The following ST3GAL2 variants were observed in gnomAD, a reference collection of about 807,000 sequenced individuals.
The protein encoded by ST3GAL2 is ST3 beta-galactoside alpha-2,3-sialyltransferase 2, also known as CMP-N-acetylneuraminate-beta-galactosamide-alpha-2,3-sialyltransferase 2.
In ST3GAL2, 16 loss-of-function variants were observed where a neutral mutation model predicts 37.5. The observed-to-expected ratio is 0.43, with a 90% CI of 0.29 to 0.65. The LOEUF is 0.65. Among genes scored for constraint, ST3GAL2 ranks in the 30% least tolerant of loss-of-function variants. The pLI, the probability that ST3GAL2 is intolerant of heterozygous loss-of-function variation, is 0.17. For missense variants in ST3GAL2, 383 were observed against 487.8 expected (o/e 0.79, Z 2.02); for synonymous variants, 238 against 202.9 (o/e 1.17, Z -1.47).
In ST3GAL2 at chr16:70,388,408, A is replaced by G; in HGVS notation, c.672T>C (p.Leu224=). 1.2e-6 allele frequency: 2 copies of G among 1,614,158 alleles called. No homozygotes were observed. The highest frequency in any genetic ancestry group is 1.7e-6 in the Non-Finnish European group (2 of 1,180,026). ...TGGACAAGGCGCTGGCGATCCACAGAAGGTCCAGGACCTTGAAGGGCACCA... is the reference window on the plus strand; with the variant it reads ...TGGACAAGGCGCTGGCGATCCACAGGAGGTCCAGGACCTTGAAGGGCACCA... ...FVLVPFKVLD[L]LWIASALSTG... is the part of the protein sequence containing the mutation. The change falls in exon 4 of 7, where the codon CTT becomes CTC. Residue 224 remains leucine (L), a synonymous_variant. Transcript: ENST00000342907.
chr16:70,419,400 G>A (rs565533712), intron 1 of ST3GAL2, among the ~76,000 whole-genome samples: 1 of 152,316 alleles, frequency 6.6e-6, no homozygotes, highest in South Asian at 2.1e-4. Context: ...CACGAGCACT[G>A]CAAATCCATA....
intron 1 of ST3GAL2, among the ~76,000 whole-genome samples, chr16:70,427,086 C>A (rs1410975545): frequency 1.3e-5 from 2 of 152,062 alleles, no homozygotes; most frequent in Non-Finnish European, 2.9e-5. Context: ...TGGGCTTAGG[C>A]AATCCTCTTA....
intron 1 of ST3GAL2, among the ~76,000 whole-genome samples, chr16:70,431,337 G>T (rs1311151210): frequency 6.6e-6 from 1 of 152,196 alleles, no homozygotes; most frequent in African/African-American, 2.4e-5. Flanking sequence ...TGAGGCTGGG[G>T]GGCTGCTGCC....
chr16:70,386,264 T>C (rs2047442752), intron 4 of ST3GAL2, among the ~76,000 whole-genome samples: 1 of 151,876 alleles, frequency 6.6e-6, no homozygotes, highest in African/African-American at 2.4e-5. Flanking sequence ...CTCGGCTCAC[T>C]GCAAGCTCCG....
At chr16:70,407,440 C>T (rs1017771174) in intron 1 of ST3GAL2, among the ~76,000 whole-genome samples, 3 of 152,222 alleles carry the variant, frequency 2.0e-5, no homozygotes, top group Admixed American at 6.5e-5. Flanking sequence ...TGTGCCAATA[C>T]TACAGTCTTC....
chr16:70,402,192 G>A (rs1241849305), intron 1 of ST3GAL2, among the ~76,000 whole-genome samples: 2 of 148,400 alleles, frequency 1.3e-5, no homozygotes, highest in Non-Finnish European at 3.0e-5. Context: ...CCACCTACTT[G>A]GGAGGCTGAG....
chr16:70,409,801 CTAAA>C (rs1205683287), intron 1 of ST3GAL2, among the ~76,000 whole-genome samples: 13 of 146,294 alleles, frequency 8.9e-5, no homozygotes, highest in Non-Finnish European at 1.3e-4. Context: ...CCAGACCTGG[CTAAA>C]TTTTTTTTTT....
At chr16:70,406,633 T>A (rs2047593880) in intron 1 of ST3GAL2, among the ~76,000 whole-genome samples, 1 of 150,808 alleles carries the variant, frequency 6.6e-6, no homozygotes, top group Non-Finnish European at 1.5e-5. Flanking sequence ...AATACAAAAA[T>A]TAGCTGGGTG....
intron 1 of ST3GAL2, among the ~76,000 whole-genome samples, chr16:70,435,348 C>G (rs997762351): frequency 6.6e-6 from 1 of 152,238 alleles, no homozygotes; most frequent in African/African-American, 2.4e-5. Context: ...GTAATCCCAG[C>G]ACTTTCGGAG....
At chr16:70,395,667 G>A (rs1411260479) in intron 2 of ST3GAL2, among the ~76,000 whole-genome samples, 1 of 152,202 alleles carries the variant, frequency 6.6e-6, no homozygotes, top group Non-Finnish European at 1.5e-5. Context: ...AATTCTTTCA[G>A]AGCCAGAATG....
At chr16:70,389,899 G>A (rs568580106) in intron 3 of ST3GAL2, among the ~76,000 whole-genome samples, 121 of 152,178 alleles carry the variant, frequency 8.0e-4, no homozygotes, top group African/African-American at 2.9e-3. Context: ...CCATTCTCCT[G>A]CCTCAGCCTC....
chr16:70,385,874 T>G (rs1219297002), intron 4 of ST3GAL2, among the ~76,000 whole-genome samples: 1 of 151,556 alleles, frequency 6.6e-6, no homozygotes, highest in Non-Finnish European at 1.5e-5. Context: ...GTCTGGCTAA[T>G]TTTTGTATTT....
chr16:70,398,516 C>G lies in ST3GAL2; in HGVS notation c.15G>C (p.Leu5=). MKCS[L]RVWFLSVAFL... The stretch of plus-strand genomic sequence containing the variant: ...AGGCCACGGAGAGGAACCACACCCG[C>G]AGGGAGCACTTCATGGTGCCGGCAG... The change falls in exon 2 of 7, where the codon CTG becomes CTC. Residue 5 remains leucine, a synonymous_variant. Coordinates refer to ENST00000342907, the MANE Select transcript of ST3GAL2 (RefSeq NM_006927.4). The G allele has an allele frequency of 6.2e-7, 1 of 1,606,250 alleles. No individual in the cohort carries two copies.
intron 1 of ST3GAL2, among the ~76,000 whole-genome samples, chr16:70,426,040 A>C (rs975343089): frequency 2.0e-5 from 3 of 152,178 alleles, no homozygotes; most frequent in African/African-American, 7.2e-5. Context: ...GGAGGGTGCC[A>C]TGCCTTTTGC....
rs897322725 is a variant in ST3GAL2 at position 70,379,342 on chromosome 16, G to A, written c.*2347C>T. 6.6e-6 allele frequency: 1 copy of A among 152,208 alleles called. No homozygotes were observed. The allele number at this position is 152,208 out of a possible 1,614,324, so 9.4% of individuals were successfully genotyped here. A position where few individuals can be genotyped will look rare whatever the true frequency, so the allele number is the denominator to read the frequency against. ...CCCGCTCAGATTTCAGTGTCTTGGA[G>A]CGCAGAGTCCAGGAATGAGGTGCCT... On this transcript the variant is annotated 3_prime_UTR_variant, in exon 7 of 7. Transcript: ENST00000342907.
At chr16:70,419,866 T>C (rs2047701678) in intron 1 of ST3GAL2, among the ~76,000 whole-genome samples, 1 of 151,808 alleles carries the variant, frequency 6.6e-6, no homozygotes, top group Non-Finnish European at 1.5e-5. Context: ...CAAGGTGGGG[T>C]GTCCGCCAGA....
At chr16:70,429,218 T>G (rs2047771483) in intron 1 of ST3GAL2, among the ~76,000 whole-genome samples, 1 of 152,176 alleles carries the variant, frequency 6.6e-6, no homozygotes, top group African/African-American at 2.4e-5. Context: ...GCCCTTATGA[T>G]GGCCTCCTGG....
chr16:70,398,319 G>C lies in ST3GAL2; in HGVS notation c.212C>G (p.Ala71Gly). The change falls in exon 2 of 7, where the codon GCC becomes GGC. Residue 71 changes from alanine (A) to glycine (G), a missense_variant. This residue lies in a region of ST3GAL2 where 223 missense variants were observed against 239.1 expected (regional missense o/e 0.93). Transcript: ENST00000342907. ...SKERLSGKSCACRRCMGDAGA... is the reference protein window; with the variant it reads ...SKERLSGKSCGCRRCMGDAGA... ...GGCATCGCCCATGCAGCGGCGACAG[G>C]CACAGCTCTTGCCCGAGAGCCTCTC... 1 of 1,613,438 alleles carries C rather than the reference G, an allele frequency of 6.2e-7. No homozygotes were observed. The highest frequency in any genetic ancestry group is 8.5e-7 in the Non-Finnish European group (1 of 1,180,048).
rs1014107802 is a variant in ST3GAL2, at chr16:70,424,116, A to G, written c.-1004+14833T>C. Reference sequence around the variant, plus strand: ...ATTCTCCTGCCTCAGCCTCCTGAGTAGCTGGGATCACAGGCATGCGCCATG... The same window carrying G: ...ATTCTCCTGCCTCAGCCTCCTGAGTGGCTGGGATCACAGGCATGCGCCATG... On this transcript the variant is annotated intron_variant, in intron 1 of 6. Transcript: ENST00000342907. Among the ~76,000 whole-genome samples the G allele has an allele frequency of 9.3e-5, 14 of 151,140 alleles. No homozygotes were observed. The East Asian group carries it at 2.9e-3, about 31-fold the overall frequency.
Sources: gnomAD v4.1 joint callset for allele counts (sites outside exome capture counted in the v4.1 genomes callset) on GRCh38, gnomAD v4.1.1 for gene constraint, gnomAD v4.1.1 regional missense constraint, MANE v1.5 for transcripts, NCBI Gene and HGNC (gene_info 2026-07-23, HGNC 2026-07-21) for gene names.